The following WDR44 variants were observed in gnomAD, a reference collection of about 807,000 sequenced individuals.
WDR44 encodes WD repeat domain 44.
A neutral mutation model predicts 65.7 loss-of-function variants in WDR44; 9 were observed. That is an observed-to-expected ratio of 0.14 (90% CI 0.08 to 0.24). The LOEUF is 0.24. WDR44 is among the 10% of genes least tolerant of loss of function. WDR44 has a pLI of 1.00. For synonymous variants in WDR44, 220 were observed against 235.2 expected (o/e 0.94, Z 0.59); for missense variants, 425 against 670.9 (o/e 0.63, Z 4.05).
rs2057368427 is a variant in WDR44, at chrX:118,448,756, G to C, written c.2648-137G>C. On this transcript the variant is annotated intron_variant, in intron 19 of 19. Transcript: ENST00000254029. ...CAGAATGAAAGAATTACAGGAGCCA[G>C]CCAGAAAAGGAGACTGAAAAGGTGG... 8.0e-6 allele frequency: 3 copies of C among 376,830 alleles called. No individual in the cohort carries two copies. The East Asian group carries it at 1.3e-4, about 16-fold the overall frequency. The allele number at this position is 376,830 out of a possible 1,213,427, so 31.1% of individuals were successfully genotyped here. A position where few individuals can be genotyped will look rare whatever the true frequency, so the allele number is the denominator to read the frequency against.
Position 118,378,094 on chromosome X carries a change from T to G in WDR44, c.78-325T>G, listed in dbSNP as rs182393478. Among the ~76,000 whole-genome samples the G allele has an allele frequency of 1.2e-3, 133 of 110,582 alleles. 1 individual carries two copies. Among genetic ancestry groups the G allele is most frequent in the Non-Finnish European group, 1.8e-3 (94 of 52,859 alleles). On this transcript the variant is annotated intron_variant, in intron 1 of 19. Transcript: ENST00000254029. ...CCTCAGCCTCTCAAGTAGCTGGGAT[T>G]ATAGGCACGCACCACCACACCCTGC...
At chrX:118,417,581 G>A (rs1465220957) in intron 12 of WDR44, among the ~76,000 whole-genome samples, 3 of 111,735 alleles carry the variant, frequency 2.7e-5, no homozygotes, top group East Asian at 2.8e-4. Flanking sequence ...TCCTTTATAC[G>A]TTACCTGGTG....
intron 12 of WDR44, among the ~76,000 whole-genome samples, chrX:118,428,068 A>C (rs1188539135): frequency 2.7e-5 from 3 of 109,738 alleles, no homozygotes; most frequent in African/African-American, 9.9e-5. Flanking sequence ...TGGGTGGATC[A>C]GTTGAGATCA....
intron 13 of WDR44, among the ~76,000 whole-genome samples, chrX:118,434,841 T>G (rs1156813345): frequency 8.9e-6 from 1 of 112,174 alleles, no homozygotes; most frequent in Non-Finnish European, 1.9e-5. Context: ...CACAGTGTTT[T>G]TAGTGAGTTT....
At chrX:118,433,741 C>A (rs953411445) in intron 13 of WDR44, among the ~76,000 whole-genome samples, 1 of 111,752 alleles carries the variant, frequency 8.9e-6, no homozygotes, top group Non-Finnish European at 1.9e-5. Flanking sequence ...ATTAACTGAG[C>A]TAGTAAATAT....
chrX:118,382,228 G>GTTTTT (rs145260565), intron 2 of WDR44, among the ~76,000 whole-genome samples: 1 of 110,264 alleles, frequency 9.1e-6, no homozygotes, highest in Non-Finnish European at 1.9e-5. Flanking sequence ...TGCCAAGGTG[G>GTTTTT]TTTTTTTGTT....
intron 11 of WDR44, among the ~76,000 whole-genome samples, 185 bp from the exon 12 acceptor site, chrX:118,410,710 T>A (rs1307767033): frequency 8.9e-6 from 1 of 112,273 alleles, no homozygotes; most frequent in Non-Finnish European, 1.9e-5. Context: ...GAAGTTTTTA[T>A]GTAAAAATGA....
chrX:118,411,433 A>C (rs2057012252), intron 12 of WDR44, among the ~76,000 whole-genome samples: 1 of 112,179 alleles, frequency 8.9e-6, no homozygotes, highest in African/African-American at 3.2e-5. Flanking sequence ...AAACCTATAA[A>C]GCAGAATACA....
chrX:118,376,287 A>AT (rs34940836), intron 1 of WDR44, among the ~76,000 whole-genome samples: 29,012 of 110,356 alleles, frequency 0.26, 3,172 homozygotes, highest in African/African-American at 0.39. Flanking sequence ...CTCAAAAGTA[A>AT]TTTTTTTAAC....
intron 4 of WDR44, among the ~76,000 whole-genome samples, 190 bp from the exon 5 acceptor site, chrX:118,393,865 A>G (rs747320451): frequency 9.0e-6 from 1 of 111,602 alleles, no homozygotes; most frequent in Admixed American, 9.6e-5. Context: ...TTGGAGACCT[A>G]AAGTCTGAAT....
intron 12 of WDR44, among the ~76,000 whole-genome samples, chrX:118,432,054 C>G (rs1200936277): frequency 8.9e-6 from 1 of 111,833 alleles, no homozygotes; most frequent in Non-Finnish European, 1.9e-5. Flanking sequence ...TTCTACCTAC[C>G]TCTGTCAGTA....
chrX:118,402,022 T>G (rs992592563), intron 8 of WDR44, among the ~76,000 whole-genome samples: 11 of 89,405 alleles, frequency 1.2e-4, no homozygotes, highest in East Asian at 3.7e-4. Flanking sequence ...GTTTTTTTGG[T>G]TTTTTTTTAG....
chrX:118,404,516 G>A (rs1008142412), intron 9 of WDR44, 72 bp downstream of exon 9: 12 of 782,376 alleles, frequency 1.5e-5, no homozygotes, highest in Non-Finnish European at 2.2e-5. Context: ...CCTGTAGTTT[G>A]TAAGAAGCAT....
At chrX:118,405,629 C>T (rs1037111199) in intron 9 of WDR44, among the ~76,000 whole-genome samples, 2 of 111,616 alleles carry the variant, frequency 1.8e-5, no homozygotes, top group African/African-American at 6.5e-5. Context: ...CGTGAGCCAC[C>T]GCGCCTGGCC....
intron 1 of WDR44, among the ~76,000 whole-genome samples, chrX:118,360,403 G>GT (rs780527835): frequency 1.5e-3 from 172 of 111,829 alleles, no homozygotes; most frequent in African/African-American, 5.2e-3. Flanking sequence ...TTTTATTTTT[G>GT]TTTTTTGCTT....
intron 2 of WDR44, 47 bp from the exon 3 acceptor site, chrX:118,387,293 G>GAA: frequency 1.1e-6 from 1 of 912,472 alleles, no homozygotes; most frequent in Non-Finnish European, 1.5e-6. Context: ...TATTTTTAAA[G>GAA]AAAAGATGTC....
chrX:118,382,335 A>G (rs1288168892), intron 2 of WDR44, among the ~76,000 whole-genome samples: 1 of 112,181 alleles, frequency 8.9e-6, no homozygotes, highest in Non-Finnish European at 1.9e-5. Context: ...GAAAGCTGTC[A>G]AGAGGCAGTT....
At chrX:118,426,629 C>G (rs753069344) in intron 12 of WDR44, among the ~76,000 whole-genome samples, 1 of 109,481 alleles carries the variant, frequency 9.1e-6, no homozygotes, top group East Asian at 2.8e-4. Flanking sequence ...TCGCTGGAGC[C>G]CAGGAGGCGG....
chrX:118,357,984 C>G (rs1602857882), intron 1 of WDR44, among the ~76,000 whole-genome samples: 1 of 110,866 alleles, frequency 9.0e-6, no homozygotes, highest in African/African-American at 3.3e-5. Context: ...CCATCCTGGC[C>G]AACATGGTGA....
Sources: allele counts gnomAD v4.1 joint callset (sites outside exome capture counted in the v4.1 genomes callset), GRCh38; gene constraint gnomAD v4.1.1; transcripts MANE v1.5; gene names NCBI Gene and HGNC (gene_info 2026-07-23, HGNC 2026-07-21).